ABCA8: variants seen among roughly 807,000 people sequenced by gnomAD.
The protein encoded by ABCA8 is ABC-type organic anion transporter ABCA8.
A neutral mutation model predicts 192.3 loss-of-function variants in ABCA8; 177 were observed. The ratio of observed to expected loss-of-function variants is 0.92; its 90% CI spans 0.81 to 1.04. The LOEUF is 1.04. Ranked by LOEUF, ABCA8 falls within the 50% of genes least tolerant of loss-of-function variation. The probability of loss-of-function intolerance (pLI) is 0.00; values close to 1 mark genes in which losing one functional copy is unlikely to be tolerated. For synonymous variants in ABCA8, 642 were observed against 690.2 expected (o/e 0.93, Z 1.09); for missense variants, 1,915 against 1,904.8 (o/e 1.01, Z -0.10).
intron 23 of ABCA8, among the ~76,000 whole-genome samples, chr17:68,893,050 T>C (rs981083692): frequency 6.6e-6 from 1 of 152,200 alleles, no homozygotes; most frequent in Admixed American, 6.5e-5. Flanking sequence ...TGATCCATTT[T>C]ATGTATACAT....
chr17:68,895,797 G>C (rs8074603), intron 21 of ABCA8, among the ~76,000 whole-genome samples: 63,929 of 152,004 alleles, frequency 0.42, 14,047 homozygotes, highest in East Asian at 0.56. Context: ...CCAGGCAAGA[G>C]TGGCTAAGAG....
intron 4 of ABCA8, among the ~76,000 whole-genome samples, chr17:68,937,332 A>G (rs188989631): frequency 6.6e-6 from 1 of 152,244 alleles, no homozygotes; most frequent in East Asian, 1.9e-4. Context: ...TAGTTATTTT[A>G]TTTTCATATG....
chr17:68,887,757 C>T (rs1375886538), intron 24 of ABCA8, among the ~76,000 whole-genome samples: 2 of 151,186 alleles, frequency 1.3e-5, no homozygotes, highest in Non-Finnish European at 2.9e-5. Context: ...AGCATGAACA[C>T]TGCAGCAAAC....
chr17:68,902,034 G>GA (rs2066928792), intron 21 of ABCA8, among the ~76,000 whole-genome samples: 3 of 152,060 alleles, frequency 2.0e-5, no homozygotes, highest in Non-Finnish European at 4.4e-5. Flanking sequence ...CAATTATTGG[G>GA]AAAAAATATA....
chr17:68,903,678 T>C (rs751703987), intron 19 of ABCA8, among the ~76,000 whole-genome samples, 179 bp from the exon 20 acceptor site: 2 of 152,008 alleles, frequency 1.3e-5, no homozygotes, highest in Non-Finnish European at 2.9e-5. Context: ...ACAAAAGGGA[T>C]AGAAAGGAGA....
chr17:68,924,332 G>A (rs1402383971), intron 11 of ABCA8, among the ~76,000 whole-genome samples: 1 of 127,106 alleles, frequency 7.9e-6, no homozygotes, highest in Non-Finnish European at 1.7e-5. Flanking sequence ...GGCAACAAGA[G>A]CAAAATTCCG....
intron 13 of ABCA8, among the ~76,000 whole-genome samples, chr17:68,920,508 T>G (rs1343368281): frequency 6.6e-6 from 1 of 150,538 alleles, no homozygotes; most frequent in Non-Finnish European, 1.5e-5. Context: ...AGCATGAAAA[T>G]AGTTATTATG....
At position 68,920,354 on chromosome 17, in the gene ABCA8, G is replaced by A. The variant is rs144216026; in HGVS notation, c.1613-878C>T. On this transcript the variant is annotated intron_variant, in intron 13 of 39. Coordinates refer to ENST00000586539, the MANE Select transcript of ABCA8 (RefSeq NM_001288985.2). ...AATATAGGCAACAAACCCCCATGAC[G>A]TGTTTATCTATGTAACAAAGCTTTA... 3.0e-3 allele frequency among the ~76,000 whole-genome samples: 450 copies of A among 151,328 alleles called. 6 individuals are homozygous for A. The highest frequency in any genetic ancestry group is 0.01 in the African/African-American group (416 of 41,190).
chr17:68,905,715 T>C (rs1017989406), intron 19 of ABCA8, among the ~76,000 whole-genome samples: 2 of 152,208 alleles, frequency 1.3e-5, no homozygotes, highest in African/African-American at 4.8e-5. Context: ...AGGAATTTAA[T>C]AGTTTCATTT....
At chr17:68,894,524 A>G (rs1008693201) in intron 22 of ABCA8, among the ~76,000 whole-genome samples, 4 of 152,230 alleles carry the variant, frequency 2.6e-5, no homozygotes, top group African/African-American at 9.6e-5. Flanking sequence ...TCTGATATTT[A>G]GGACACCGGA....
chr17:68,935,702 A>G (rs2068048484), intron 5 of ABCA8, among the ~76,000 whole-genome samples: 1 of 151,702 alleles, frequency 6.6e-6, no homozygotes, highest in Admixed American at 6.6e-5. Flanking sequence ...TCCTCTGGGT[A>G]GATACCCAGT....
chr17:68,873,544 T>TC (rs1220624477), intron 37 of ABCA8, among the ~76,000 whole-genome samples: 4 of 152,236 alleles, frequency 2.6e-5, no homozygotes, highest in Non-Finnish European at 4.4e-5. Flanking sequence ...GTGGAAGCTT[T>TC]CTAGTTTTAT....
At position 68,903,463 on chromosome 17, in the gene ABCA8, G is replaced by C. The variant is rs1457511277; in HGVS notation, c.2435C>G (p.Ala812Gly). 1 of 1,614,070 alleles carries C rather than the reference G, an allele frequency of 6.2e-7. No individual in the cohort carries two copies. The highest frequency in any genetic ancestry group is 1.3e-5 in the African/African-American group (1 of 75,006). ...AILGEVQAEK[A>G]DDTERLVEME... Reference sequence around the variant, plus strand: ...CTCAACAAGCCTTTCAGTGTCGTCAGCTTTTTCCGCTTGTACTTCTCCCAA... The same window carrying C: ...CTCAACAAGCCTTTCAGTGTCGTCACCTTTTTCCGCTTGTACTTCTCCCAA... The change falls in exon 20 of 40, where the codon GCT (alanine) becomes GGT (glycine). Residue 812 changes from alanine (A) to glycine (G), a missense_variant. Transcript: ENST00000586539.
Position 68,921,448 on chromosome 17 carries a change from C to A in ABCA8, c.1546G>T (p.Gly516Cys). The A allele has an allele frequency of 6.2e-7, 1 of 1,609,036 alleles. No individual in the cohort carries two copies. Among genetic ancestry groups the A allele is most frequent in the Non-Finnish European group, 8.5e-7 (1 of 1,176,802 alleles). ...GTTGACTTTCCAGCTCCACTGTGAC[C>A]AAGTATTGCAGTGATTTGGCCTTCG... Reference protein sequence around the residue: ...IYEGQITAILGHSGAGKSTLL... With the variant: ...IYEGQITAILCHSGAGKSTLL... Residue 516 changes from glycine to cysteine, a missense_variant, in exon 13 of 40, where the codon GGT becomes TGT. Physicochemically the swap from Gly to Cys is radical, Grantham distance 159. Transcript: ENST00000586539.
chr17:68,937,185 A>G, intron 4 of ABCA8, 70 bp from the exon 5 acceptor site: 1 of 1,315,140 alleles, frequency 7.6e-7, no homozygotes, highest in Non-Finnish European at 1.0e-6. Context: ...TGTCATGTTG[A>G]ATTGCTTTTA....
At chr17:68,876,592 T>C (rs376726142) in intron 34 of ABCA8, 36 bp downstream of exon 34, 20 of 1,614,176 alleles carry the variant, frequency 1.2e-5, no homozygotes, top group African/African-American at 5.3e-5. Flanking sequence ...TTCCCATCTA[T>C]GGCACTTGCA....
intron 28 of ABCA8, 131 bp downstream of exon 28, chr17:68,884,200 G>A: frequency 1.1e-6 from 1 of 905,642 alleles, no homozygotes; most frequent in South Asian, 2.6e-5. Flanking sequence ...GATTTTACAA[G>A]CATTATATCT....
In ABCA8 at chr17:68,932,452, C is replaced by T; in HGVS notation, c.633G>A (p.Met211Ile). The T allele has an allele frequency of 1.2e-6, 2 of 1,613,966 alleles. No individual in the cohort carries two copies. The highest frequency in any genetic ancestry group is 1.7e-6 in the Non-Finnish European group (2 of 1,179,850). The change falls in exon 7 of 40, where the codon ATG (methionine) becomes ATA (isoleucine). Residue 211 changes from methionine (M) to isoleucine (I), a missense_variant. By Grantham distance (10) the Met-to-Ile change is conservative (BLOSUM62 1). Transcript: ENST00000586539. ...CTCCTGATTGACCAATGAAGGAATG[C>T]ATCTTCATATTTTTTCCAGTAACTG... ...LMSVTGKNMK[M>I]HSFIGQSGVI...
rs777922211 is a variant in ABCA8, at chr17:68,887,415, A to G, written c.3236T>C (p.Leu1079Ser). The change falls in exon 25 of 40, where the codon TTG becomes TCG. Residue 1079 changes from leucine (L) to serine (S), a missense_variant. By Grantham distance (145) the Leu-to-Ser change is moderately radical. Coordinates refer to ENST00000586539, the MANE Select transcript of ABCA8 (RefSeq NM_001288985.2). Reference sequence around the variant, plus strand: ...CATTAAATATATAAAAACGAAGACCAAGAAGTACAGGGAAACATCCACCAG... The same window carrying G: ...CATTAAATATATAAAAACGAAGACCGAGAAGTACAGGGAAACATCCACCAG... The part of the protein sequence containing the change: ...QALVDVSLYF[L>S]VFVFIYLMSY... The G allele has an allele frequency of 3.7e-6, 6 of 1,613,668 alleles. No homozygotes were observed. The Admixed American group carries it at 8.3e-5, about 22-fold the overall frequency.
Sources: gnomAD v4.1 joint callset for allele counts (sites outside exome capture counted in the v4.1 genomes callset) on GRCh38, gnomAD v4.1.1 for gene constraint, MANE v1.5 for transcripts, NCBI Gene and HGNC (gene_info 2026-07-23, HGNC 2026-07-21) for gene names.